Variants in OPRM1 observed in about 807,000 individuals in gnomAD.
The protein encoded by OPRM1 is opioid receptor mu 1.
A neutral mutation model predicts 31.8 loss-of-function variants in OPRM1; 27 were observed. The observed-to-expected ratio is 0.85, with a 90% CI of 0.63 to 1.17. The LOEUF is 1.17. Among genes scored for constraint, OPRM1 ranks in the 50% most tolerant of loss-of-function variants. The pLI, the probability that OPRM1 is intolerant of heterozygous loss-of-function variation, is 0.00. For synonymous variants in OPRM1, 196 were observed against 189.9 expected, an observed-to-expected ratio of 1.03 and a Z score of -0.26; for missense variants, 536 against 511.1, an observed-to-expected ratio of 1.05 and a Z score of -0.47.
chr6:154,227,098 T>G (rs1420868051), intron 3 of OPRM1, among the ~76,000 whole-genome samples: 2 of 151,832 alleles, frequency 1.3e-5, no homozygotes, highest in African/African-American at 4.8e-5. Flanking sequence ...CTTGGGAGGC[T>G]GAGGCTGAGG....
chr6:154,207,936 A>G (rs187138994), intron 3 of OPRM1, among the ~76,000 whole-genome samples: 20 of 152,326 alleles, frequency 1.3e-4, no homozygotes, highest in African/African-American at 4.1e-4. Flanking sequence ...CGGATTCAAA[A>G]TCTAACCATT....
At chr6:154,229,388 C>T (rs1350712031) in intron 3 of OPRM1, among the ~76,000 whole-genome samples, 3 of 131,872 alleles carry the variant, frequency 2.3e-5, no homozygotes, top group African/African-American at 8.8e-5. Flanking sequence ...CTCTCTCTGT[C>T]GCCCAGGCTG....
chr6:154,216,201 A>G (rs1778378651), intron 3 of OPRM1, among the ~76,000 whole-genome samples: 1 of 152,224 alleles, frequency 6.6e-6, no homozygotes, highest in Non-Finnish European at 1.5e-5. Context: ...TGTAATGGCA[A>G]AAAGAAAAAA....
At chr6:154,079,179 C>T (rs1262226282) in intron 1 of OPRM1, among the ~76,000 whole-genome samples, 2 of 152,176 alleles carry the variant, frequency 1.3e-5, no homozygotes, top group Non-Finnish European at 2.9e-5. Flanking sequence ...AGAGATGTGA[C>T]CTCTCGCCTG....
At chr6:154,090,214 C>A in intron 2 of OPRM1, 36 bp downstream of exon 2, 1 of 1,398,506 alleles carries the variant, frequency 7.2e-7, no homozygotes, top group South Asian at 1.2e-5. Flanking sequence ...AAGGAGGGTT[C>A]ACAGCCTGAT....
In OPRM1 at chr6:154,182,307, T is replaced by C. The variant is rs1266481520; in HGVS notation, c.1165-64386T>C. Among the ~76,000 whole-genome samples the C allele has an allele frequency of 2.0e-5, 3 of 152,326 alleles. No individual in the cohort carries two copies. In the East Asian group the frequency reaches 5.8e-4, roughly 29 times the overall value. On this transcript the variant is annotated intron_variant, in intron 3 of 3. Transcript: ENST00000337049. ...CTGTTAAGACAGCTCAAGGCTCTTCTACTGTATTATTGCTTTTATTGATAA... is the reference window on the plus strand; with the variant it reads ...CTGTTAAGACAGCTCAAGGCTCTTCCACTGTATTATTGCTTTTATTGATAA...
chr6:154,072,463 C>A (rs1354807981), intron 1 of OPRM1, among the ~76,000 whole-genome samples: 1 of 152,156 alleles, frequency 6.6e-6, no homozygotes, highest in East Asian at 1.9e-4. Flanking sequence ...ACAAGATTTG[C>A]TTTTATTCAA....
intron 3 of OPRM1, among the ~76,000 whole-genome samples, chr6:154,209,283 C>T (rs1325208063): frequency 1.3e-5 from 2 of 151,984 alleles, no homozygotes; most frequent in African/African-American, 4.8e-5. Flanking sequence ...ATATTTTTGC[C>T]CCTAGGCTTG....
At chr6:154,096,610 G>A (rs12203621) in intron 3 of OPRM1, among the ~76,000 whole-genome samples, 8,712 of 152,124 alleles carry the variant, frequency 0.057, 270 homozygotes, top group East Asian at 0.1. Context: ...AGATTCAAAA[G>A]TGCTTTTATG....
rs1554283612 is a variant in OPRM1 at position 154,140,335 on chromosome 6, T to TA, written c.1164+48863_1164+48864insA. ...GTTTAGCCGTTTATGTTATTTTATTTTTTTTTTTTTTTTGAGAAAGAGTCT... is the reference window on the plus strand; with the variant it reads ...GTTTAGCCGTTTATGTTATTTTATTTATTTTTTTTTTTTTGAGAAAGAGTCT... On this transcript the variant is annotated intron_variant, in intron 3 of 3. Transcript: ENST00000337049. Among the ~76,000 whole-genome samples the TA allele has an allele frequency of 1.1e-4, 15 of 134,136 alleles. No homozygotes were observed. The East Asian group carries it at 1.2e-3, about 11-fold the overall frequency. 88.0% of individuals were successfully genotyped at this position (134,136 alleles called of 152,430 possible). A position where few individuals can be genotyped will look rare whatever the true frequency, so the allele number is the denominator to read the frequency against.
chr6:154,180,875 A>G (rs552539249), intron 3 of OPRM1, among the ~76,000 whole-genome samples: 1 of 152,306 alleles, frequency 6.6e-6, no homozygotes, highest in East Asian at 1.9e-4. Context: ...CCAACATGCA[A>G]CACTTGGAAA....
chr6:154,030,961 A>G (rs1482064501), intron 1 of OPRM1, among the ~76,000 whole-genome samples: 1 of 152,208 alleles, frequency 6.6e-6, no homozygotes, highest in African/African-American at 2.4e-5. Flanking sequence ...CTGCAAATGG[A>G]TGCAAATGAA....
rs558215914 is a variant in OPRM1, at chr6:154,033,224, T to C, written c.1-5937T>C. ...TGTAAAATAAAGACTAAAACACCAA[T>C]AGGTTTAACATTATGAAAGTCCCTA... On this transcript the variant is annotated intron_variant, in intron 1 of 5. Coordinates refer to the OPRM1 transcript ENST00000434900. Among the ~76,000 whole-genome samples the C allele has an allele frequency of 1.2e-3, 180 of 152,168 alleles. 2 individuals are homozygous for C. The highest frequency in any genetic ancestry group is 4.0e-3 in the African/African-American group (166 of 41,508).
intron 3 of OPRM1, among the ~76,000 whole-genome samples, chr6:154,226,744 A>G (rs997407640): frequency 4.6e-5 from 7 of 152,188 alleles, no homozygotes; most frequent in African/African-American, 1.4e-4. Context: ...TTCTGATTAA[A>G]TACCCTGCAT....
chr6:154,024,186 G>A (rs866363916), intron 1 of OPRM1, among the ~76,000 whole-genome samples: 2 of 151,944 alleles, frequency 1.3e-5, no homozygotes, highest in African/African-American at 2.4e-5. Flanking sequence ...TTTCTTTACC[G>A]GGAGAACTTT....
chr6:154,217,033 G>C (rs1228571009), intron 3 of OPRM1: 1 of 158,646 alleles, frequency 6.3e-6, no homozygotes, highest in East Asian at 1.8e-4. Flanking sequence ...AATTCCCTAG[G>C]CTATCAAAGG....
At chr6:154,161,961 C>G (rs535760317) in intron 3 of OPRM1, among the ~76,000 whole-genome samples, 2 of 152,206 alleles carry the variant, frequency 1.3e-5, no homozygotes, top group Non-Finnish European at 2.9e-5. Flanking sequence ...CTTCTCATCT[C>G]AAACCCCCTC....
intron 3 of OPRM1, among the ~76,000 whole-genome samples, chr6:154,191,672 T>TCAACAACAA (rs140096033): frequency 2.0e-5 from 3 of 149,572 alleles, no homozygotes; most frequent in Admixed American, 6.7e-5. Flanking sequence ...AGACTTTGCC[T>TCAACAACAA]CAACAACAAC....
chr6:154,116,296 ATCT>A (rs1796864994), intron 3 of OPRM1, among the ~76,000 whole-genome samples: 1 of 152,036 alleles, frequency 6.6e-6, no homozygotes, highest in Admixed American at 6.6e-5. Flanking sequence ...ACTTAAGAAA[ATCT>A]TCTTCAGTTG....
Sources: allele counts gnomAD v4.1 joint callset (sites outside exome capture counted in the v4.1 genomes callset), GRCh38; gene constraint gnomAD v4.1.1; transcripts MANE v1.5; gene names NCBI Gene and HGNC (gene_info 2026-07-23, HGNC 2026-07-21).